The following REX1BD variants were observed in gnomAD, a reference collection of about 807,000 sequenced individuals.
The protein encoded by REX1BD is required for excision 1-B domain-containing protein.
Under a neutral mutation model 24.4 loss-of-function variants are expected in REX1BD, and 22 were observed. That is an observed-to-expected ratio of 0.90 (90% CI 0.64 to 1.29). REX1BD has a LOEUF of 1.29. Among genes scored for constraint, REX1BD ranks in the 50% most tolerant of loss-of-function variants. REX1BD has a pLI of 0.00. For missense variants in REX1BD, 293 were observed against 285.3 expected (o/e 1.03, Z -0.19); for synonymous variants, 146 against 125.9 (o/e 1.16, Z -1.07).
rs2145318689 is a variant in REX1BD at position 18,589,601 on chromosome 19, A to C, written c.371A>C (p.Glu124Ala). ...ASREVLAVEA[E>A]LGGPRRQPLL... ...CGGGAGGTGCTGGCGGTGGAAGCAG[A>C]GCTGGGCGGGCCTCGCAGGCAGCCG... The change falls in exon 3 of 5, where the codon GAG becomes GCG. Residue 124 changes from glutamate to alanine, a missense_variant. Glu to Ala is a moderately radical substitution (Grantham distance 107). Transcript: ENST00000358607. 6.5e-7 allele frequency: 1 copy of C among 1,539,782 alleles called. No individual in the cohort carries two copies. Among genetic ancestry groups the C allele is most frequent in the East Asian group, 2.4e-5 (1 of 41,022 alleles).
At chr19:18,589,900 C>A in intron 3 of REX1BD, 1 of 621,450 alleles carries the variant, frequency 1.6e-6, no homozygotes, top group Non-Finnish European at 2.5e-6. Flanking sequence ...TCCTTATTCC[C>A]AGAGCACTCC....
At chr19:18,591,172 G>A (rs1032598702) in intron 4 of REX1BD, 28 of 439,532 alleles carry the variant, frequency 6.4e-5, no homozygotes, top group South Asian at 9.8e-5. Context: ...GTGGCTGTCC[G>A]TGGAGCTTGG....
chr19:18,590,813 G>A (rs1976024829), intron 3 of REX1BD, 41 bp from the exon 4 acceptor site: 1 of 1,566,910 alleles, frequency 6.4e-7, no homozygotes, highest in Non-Finnish European at 8.7e-7. Context: ...GGTGGGTTCT[G>A]CTCGTGGAGA....
Position 18,592,260 on chromosome 19 carries a change from C to G in REX1BD, c.*80C>G, listed in dbSNP as rs1463156539. 5 of 1,549,000 alleles carry G rather than the reference C, an allele frequency of 3.2e-6. No homozygotes were observed. The South Asian group carries it at 5.6e-5, about 17-fold the overall frequency. On this transcript the variant is annotated 3_prime_UTR_variant, in exon 5 of 5. Transcript: ENST00000358607. ...CAGCCCAGCCCTAACTGCCAGCTGGCTGGGGTTGCGCCCCACTGCGCTGCT... is the reference window on the plus strand; with the variant it reads ...CAGCCCAGCCCTAACTGCCAGCTGGGTGGGGTTGCGCCCCACTGCGCTGCT...
intron 3 of REX1BD, 170 bp from the exon 4 acceptor site, chr19:18,590,680 TGAGA>T: frequency 5.0e-6 from 3 of 597,294 alleles, no homozygotes; most frequent in Non-Finnish European, 8.7e-6. Context: ...GTCTCCTTTC[TGAGA>T]GAGCCTCTAA....
At chr19:18,592,003 AG>A in intron 4 of REX1BD, 104 bp from the exon 5 acceptor site, 1 of 1,330,496 alleles carries the variant, frequency 7.5e-7, no homozygotes, top group Non-Finnish European at 1.1e-6. Context: ...GGCGGCGGGC[AG>A]GAGGGCCTGG....
chr19:18,591,015 C>T (rs956490481), intron 4 of REX1BD, 82 bp downstream of exon 4: 24 of 1,274,012 alleles, frequency 1.9e-5, no homozygotes, highest in Admixed American at 8.3e-5. Flanking sequence ...AGCAGAGGAA[C>T]CCTCTGCCAG....
In REX1BD at chr19:18,589,549, G is replaced by C; in HGVS notation, c.319G>C (p.Val107Leu). ...FARYRSTVHGVTQAFAAASRE... is the reference protein window; with the variant it reads ...FARYRSTVHGLTQAFAAASRE... ...GCGCTACCGGAGCACAGTGCACGGG[G>C]TGACCCAGGCCTTCGCCGCCGCCTC... The change falls in exon 3 of 5, where the codon GTG becomes CTG. Residue 107 changes from valine to leucine, a missense_variant. Coordinates refer to ENST00000358607, the MANE Select transcript of REX1BD (RefSeq NM_001100418.2). The C allele has an allele frequency of 6.3e-7, 1 of 1,576,498 alleles. No homozygotes were observed. Among genetic ancestry groups the C allele is most frequent in the Non-Finnish European group, 8.6e-7 (1 of 1,168,676 alleles).
chr19:18,589,820 T>TAA (rs1343116280), intron 3 of REX1BD, 137 bp downstream of exon 3: 1 of 1,246,628 alleles, frequency 8.0e-7, no homozygotes, highest in Non-Finnish European at 1.0e-6. Flanking sequence ...AATCCTCTAT[T>TAA]AAGGCTTCAC....
At chr19:18,589,295 C>T (rs1162758750) in intron 2 of REX1BD, 118 bp from the exon 3 acceptor site, 9 of 1,540,942 alleles carry the variant, frequency 5.8e-6, no homozygotes, top group Non-Finnish European at 7.8e-6. Flanking sequence ...GCTTCTCTCT[C>T]CTCCCCAAGA....
chr19:18,589,996 G>T (rs1459745526), intron 3 of REX1BD: 2 of 366,824 alleles, frequency 5.5e-6, no homozygotes, highest in Non-Finnish European at 9.8e-6. Flanking sequence ...GTTGTTCCGC[G>T]TCTAGGGTCC....
rs1332799880 is a variant in REX1BD at position 18,590,950 on chromosome 19, A to G, written c.533+17A>G. On this transcript the variant is annotated intron_variant, in intron 4 of 4. Coordinates refer to ENST00000358607, the MANE Select transcript of REX1BD (RefSeq NM_001100418.2). The stretch of plus-strand genomic sequence containing the variant: ...GAAAATGAAGTGAGCGCTGCTGCCC[A>G]AGCCGCCTGGCTATGCTCGATTTGC... 2.0e-6 allele frequency: 3 copies of G among 1,529,402 alleles called. No homozygotes were observed. The highest frequency in any genetic ancestry group is 2.0e-5 in the Admixed American group (1 of 48,854). 94.7% of individuals were successfully genotyped at this position (1,529,402 alleles called of 1,614,324 possible).
chr19:18,591,818 C>A, intron 4 of REX1BD: 1 of 424,170 alleles, frequency 2.4e-6, no homozygotes, highest in Admixed American at 3.6e-5. Flanking sequence ...TTGTTTTGAA[C>A]TCCTGACCTC....
Position 18,592,254 on chromosome 19 carries a change from A to G in REX1BD, c.*74A>G. The G allele has an allele frequency of 1.9e-6, 3 of 1,574,928 alleles. No individual in the cohort carries two copies. The highest frequency in any genetic ancestry group is 2.2e-5 in the East Asian group (1 of 44,610). On this transcript the variant is annotated 3_prime_UTR_variant, in exon 5 of 5. Transcript: ENST00000358607. ...GGCGCCCAGCCCAGCCCTAACTGCC[A>G]GCTGGCTGGGGTTGCGCCCCACTGC...
At position 18,590,897 on chromosome 19, in the gene REX1BD, A is replaced by G. The variant is rs1976027007; in HGVS notation, c.497A>G (p.Gln166Arg). 1 of 1,603,768 alleles carries G rather than the reference A, an allele frequency of 6.2e-7. No individual in the cohort carries two copies. Among genetic ancestry groups the G allele is most frequent in the African/African-American group, 1.3e-5 (1 of 74,670 alleles). Reference sequence around the variant, plus strand: ...ATGGAGACGCCAGAGCTGGCGGGGCAGGAGGACGCTGTACGGATGCAGCAG... The same window carrying G: ...ATGGAGACGCCAGAGCTGGCGGGGCGGGAGGACGCTGTACGGATGCAGCAG... The part of the protein sequence containing the change: ...QLMETPELAG[Q>R]EDAVRMQQLK... The change falls in exon 4 of 5, where the codon CAG (glutamine) becomes CGG (arginine). Residue 166 changes from glutamine to arginine, a missense_variant. Gln to Arg is a conservative substitution (Grantham distance 43, BLOSUM62 1). Transcript: ENST00000358607.
At chr19:18,591,022 C>A in intron 4 of REX1BD, 89 bp downstream of exon 4, 1 of 1,228,436 alleles carries the variant, frequency 8.1e-7, no homozygotes. Context: ...GAACCCTCTG[C>A]CAGTGCACAA....
At chr19:18,589,338 G>A (rs1440071184) in intron 2 of REX1BD, 75 bp from the exon 3 acceptor site, 2 of 1,548,332 alleles carry the variant, frequency 1.3e-6, no homozygotes, top group African/African-American at 1.4e-5. Flanking sequence ...TTCCCCTGCG[G>A]GAGTCAGGAA....
rs1976050297 is a variant in REX1BD at position 18,591,928 on chromosome 19, T to G, written c.534-180T>G. 4 of 657,046 alleles carry G rather than the reference T, an allele frequency of 6.1e-6. No individual in the cohort carries two copies. The East Asian group carries it at 1.1e-4, about 18-fold the overall frequency. The allele number at this position is 657,046 out of a possible 1,614,324, so 40.7% of individuals were successfully genotyped here. A position where few individuals can be genotyped will look rare whatever the true frequency, so the allele number is the denominator to read the frequency against. Reference sequence around the variant, plus strand: ...TTTTCTCTCAGCCCACTGTGACCTATGGGGCCACCCCTTCTCCCTAGCACC... The same window carrying G: ...TTTTCTCTCAGCCCACTGTGACCTAGGGGGCCACCCCTTCTCCCTAGCACC... On this transcript the variant is annotated intron_variant, in intron 4 of 4. Coordinates refer to ENST00000358607, the MANE Select transcript of REX1BD (RefSeq NM_001100418.2).
rs781316607 is a variant in REX1BD, at chr19:18,590,862, G to A, written c.462G>A (p.Leu154=). ...GCTCATTCCCCCACCAGGTGGCCCTGCTGCAGTTGATGGAGACGCCAGAGC... is the reference window on the plus strand; with the variant it reads ...GCTCATTCCCCCACCAGGTGGCCCTACTGCAGTTGATGGAGACGCCAGAGC... ...LEQTRLGTVA[L]LQLMETPELA... is the part of the protein sequence containing the mutation. The change falls in exon 4 of 5, where the codon CTG becomes CTA. Residue 154 remains leucine (L), a synonymous_variant. Transcript: ENST00000358607. The A allele has an allele frequency of 1.2e-6, 2 of 1,605,510 alleles. No homozygotes were observed. The highest frequency in any genetic ancestry group is 1.3e-5 in the African/African-American group (1 of 74,782).
Sources: allele counts gnomAD v4.1 joint callset, GRCh38; gene constraint gnomAD v4.1.1; transcripts MANE v1.5; gene names NCBI Gene and HGNC (gene_info 2026-07-23, HGNC 2026-07-21).